D2HGDH: variants seen among roughly 807,000 people sequenced by gnomAD.
The protein encoded by D2HGDH is D-2-hydroxyglutarate dehydrogenase.
A neutral mutation model predicts 46.9 loss-of-function variants in D2HGDH; 31 were observed. That is an observed-to-expected ratio of 0.66 (90% CI 0.50 to 0.89). The LOEUF is 0.89. Among genes scored for constraint, D2HGDH ranks in the 40% least tolerant of loss-of-function variants. The probability of loss-of-function intolerance (pLI) is 0.00; values close to 1 mark genes in which losing one functional copy is unlikely to be tolerated. For missense variants in D2HGDH, 698 were observed against 720.8 expected, an observed-to-expected ratio of 0.97 and a Z score of 0.36; for synonymous variants, 364 against 332.6, an observed-to-expected ratio of 1.09 and a Z score of -1.03.
intron 9 of D2HGDH, among the ~76,000 whole-genome samples, chr2:241,757,771 A>G (rs150266529): frequency 7.2e-5 from 11 of 152,270 alleles, no homozygotes; most frequent in African/African-American, 2.4e-4. Flanking sequence ...CAGCCCGGCC[A>G]ACATGATGAA....
At chr2:241,748,732 C>T in intron 6 of D2HGDH, 1 of 955,004 alleles carries the variant, frequency 1.0e-6, no homozygotes, top group Non-Finnish European at 1.3e-6. Flanking sequence ...TCCTCACCAC[C>T]TGACCCCGGA....
chr2:241,735,195 G>T lies in D2HGDH; in HGVS notation c.-30G>T. 1.3e-6 allele frequency: 2 copies of T among 1,498,004 alleles called. No homozygotes were observed. The highest frequency in any genetic ancestry group is 1.3e-5 in the South Asian group (1 of 79,734). The allele number at this position is 1,498,004 out of a possible 1,614,324, so 92.8% of individuals were successfully genotyped here. A position where few individuals can be genotyped will look rare whatever the true frequency, so the allele number is the denominator to read the frequency against. ...CCCTGAGTACCGGCCCCCCACCAAG[G>T]AGGAGCCCGAGGTCTCCGTCCCGGC... On this transcript the variant is annotated 5_prime_UTR_variant, in exon 2 of 10. Coordinates refer to ENST00000321264, the MANE Select transcript of D2HGDH (RefSeq NM_152783.5).
At chr2:241,736,532 A>G (rs2125011800) in intron 2 of D2HGDH, among the ~76,000 whole-genome samples, 1 of 151,684 alleles carries the variant, frequency 6.6e-6, no homozygotes, top group East Asian at 1.9e-4. Context: ...TCTGTTTTTC[A>G]TACAGGTTTT....
At chr2:241,759,558 T>C (rs1417006846) in intron 9 of D2HGDH, among the ~76,000 whole-genome samples, 1 of 152,224 alleles carries the variant, frequency 6.6e-6, no homozygotes, top group East Asian at 1.9e-4. Context: ...TAGATGTGTT[T>C]CTTGTGGACG....
At chr2:241,749,238 C>T in intron 6 of D2HGDH, 1 of 1,174,922 alleles carries the variant, frequency 8.5e-7, no homozygotes, top group Non-Finnish European at 1.1e-6. Flanking sequence ...CGTCTGCAGC[C>T]ACACCCCGAC....
intron 9 of D2HGDH, among the ~76,000 whole-genome samples, chr2:241,762,879 T>A (rs373538197): frequency 8.5e-5 from 13 of 152,258 alleles, no homozygotes; most frequent in African/African-American, 3.1e-4. Flanking sequence ...TGTCTGGAAA[T>A]GACAGCGTCT....
chr2:241,761,292 A>C (rs1469591036), intron 9 of D2HGDH, among the ~76,000 whole-genome samples: 3 of 152,174 alleles, frequency 2.0e-5, no homozygotes, highest in Non-Finnish European at 4.4e-5. Flanking sequence ...TAATCCCAGC[A>C]ATACGGGAGG....
intron 9 of D2HGDH, among the ~76,000 whole-genome samples, chr2:241,757,959 CAAAA>C (rs534217783): frequency 2.4e-5 from 2 of 83,350 alleles, no homozygotes; most frequent in Non-Finnish European, 2.5e-5. Context: ...AACTCCATCT[CAAAA>C]AAAAAAAAAA....
In D2HGDH at chr2:241,751,364, G is replaced by T; in HGVS notation, c.1116G>T (p.Met372Ile). The change falls in exon 8 of 10, where the codon ATG (methionine) becomes ATT (isoleucine). Residue 372 changes from methionine (M) to isoleucine (I), a missense_variant. Met to Ile is a conservative substitution (Grantham distance 10). Transcript: ENST00000321264. ...LGSGLVTDGT[M>I]ATDQRKVKML... is the part of the protein sequence containing the mutation. ...CCGGCCTGGTGACCGATGGGACCAT[G>T]GCCACCGACCAGAGGAAAGTCAAGG... is the stretch of plus-strand genomic sequence containing the variant. The T allele has an allele frequency of 1.2e-6, 2 of 1,613,582 alleles. No individual in the cohort carries two copies. Among genetic ancestry groups the T allele is most frequent in the Non-Finnish European group, 1.7e-6 (2 of 1,180,034 alleles).
At chr2:241,739,396 T>C (rs1693816825) in intron 2 of D2HGDH, among the ~76,000 whole-genome samples, 1 of 152,198 alleles carries the variant, frequency 6.6e-6, no homozygotes, top group South Asian at 2.1e-4. Flanking sequence ...GTGCCAGGGT[T>C]CCCTCAGGTG....
At chr2:241,751,497 C>T in intron 8 of D2HGDH, 109 bp downstream of exon 8, 2 of 1,504,256 alleles carry the variant, frequency 1.3e-6, no homozygotes, top group Non-Finnish European at 1.8e-6. Flanking sequence ...TGGGATGTGG[C>T]TGAAATGTGA....
intron 8 of D2HGDH, among the ~76,000 whole-genome samples, chr2:241,752,784 C>T (rs1283134958): frequency 2.7e-5 from 4 of 145,468 alleles, no homozygotes; most frequent in South Asian, 2.2e-4. Context: ...CCCAGGAGGG[C>T]GACCCTGGCA....
At chr2:241,751,167 C>G (rs1327489188) in intron 7 of D2HGDH, 79 bp from the exon 8 acceptor site, 3 of 1,595,596 alleles carry the variant, frequency 1.9e-6, no homozygotes, top group Non-Finnish European at 2.6e-6. Flanking sequence ...GCTATTACAG[C>G]TGTTCTGCCC....
At chr2:241,761,309 C>T (rs981563921) in intron 9 of D2HGDH, among the ~76,000 whole-genome samples, 10 of 152,162 alleles carry the variant, frequency 6.6e-5, no homozygotes, top group East Asian at 1.9e-4. Flanking sequence ...GAGGCCAAAG[C>T]GGGTGGATCA....
chr2:241,735,631 G>A, intron 2 of D2HGDH, 115 bp downstream of exon 2: 2 of 1,419,182 alleles, frequency 1.4e-6, no homozygotes, highest in Non-Finnish European at 1.9e-6. Flanking sequence ...GCCCCTGGCT[G>A]CGCTGAGAGG....
rs769879974 is a variant in D2HGDH at position 241,742,460 on chromosome 2, G to C, written c.376G>C (p.Val126Leu). The C allele has an allele frequency of 6.2e-7, 1 of 1,613,354 alleles. No individual in the cohort carries two copies. The highest frequency in any genetic ancestry group is 1.7e-5 in the Admixed American group (1 of 59,918). ...LRHCHERNLA[V>L]NPQGGNTGMV... ...GCACTGCCACGAGAGGAACCTGGCC[G>C]TGAACCCACAGGGGGGCAACACAGG... Residue 126 changes from valine (V) to leucine (L), a missense_variant, in exon 4 of 10, where the codon GTG (valine) becomes CTG (leucine). Val to Leu is a conservative substitution (Grantham distance 32, BLOSUM62 1). Coordinates refer to ENST00000321264, the MANE Select transcript of D2HGDH (RefSeq NM_152783.5). The surrounding 1 kb of genome is among the most constrained non-coding windows in gnomAD (Gnocchi z 4.8).
chr2:241,750,296 T>A lies in D2HGDH; in HGVS notation c.997+2T>A. On this transcript the variant is annotated splice_donor_variant, in intron 7 of 9. Coordinates refer to ENST00000321264, the MANE Select transcript of D2HGDH (RefSeq NM_152783.5). LOFTEE classifies it high-confidence loss of function. ...TCCACCTGGCCAGCCCGGTGCAAGG[T>A]ACTGACCCCCCACACAGGGGGCAGC... The A allele has an allele frequency of 6.2e-7, 1 of 1,606,914 alleles. No homozygotes were observed.
chr2:241,744,882 G>C lies in D2HGDH; in HGVS notation c.853+5G>C. On this transcript the variant is annotated splice_donor_5th_base_variant and intron_variant, in intron 6 of 9. Coordinates refer to ENST00000321264, the MANE Select transcript of D2HGDH (RefSeq NM_152783.5). ...CTGTGAACGTGGCTTTCCTCGGTGG[G>C]CTTCCTCGATGTGTGCCTTGAGATG... 1.9e-6 allele frequency: 3 copies of C among 1,614,018 alleles called. No homozygotes were observed. The highest frequency in any genetic ancestry group is 1.7e-6 in the Non-Finnish European group (2 of 1,179,934).
chr2:241,745,924 G>A (rs944505835), intron 6 of D2HGDH, among the ~76,000 whole-genome samples: 4 of 152,150 alleles, frequency 2.6e-5, no homozygotes, highest in African/African-American at 9.7e-5. Flanking sequence ...CTTTGCTGTC[G>A]GTAGCTGCTG....
Sources: allele counts gnomAD v4.1 joint callset (sites outside exome capture counted in the v4.1 genomes callset), GRCh38; gene constraint gnomAD v4.1.1; non-coding constraint Gnocchi (gnomAD v3.1); transcripts MANE v1.5; gene names NCBI Gene and HGNC (gene_info 2026-07-23, HGNC 2026-07-21).